SLC25A33: variants seen among roughly 807,000 people sequenced by gnomAD.
SLC25A33 encodes the protein solute carrier family 25 member 33.
A neutral mutation model predicts 35.5 loss-of-function variants in SLC25A33; 15 were observed. The ratio of observed to expected loss-of-function variants is 0.42; its 90% CI spans 0.28 to 0.65. The LOEUF (loss-of-function observed/expected upper bound fraction) is 0.65. SLC25A33 is among the 30% of genes least tolerant of loss of function. The probability of loss-of-function intolerance (pLI) is 0.20; values close to 1 mark genes in which losing one functional copy is unlikely to be tolerated. For missense variants in SLC25A33, 257 were observed against 398.5 expected, an observed-to-expected ratio of 0.64 and a Z score of 3.02; for synonymous variants, 136 against 148.7, an observed-to-expected ratio of 0.91 and a Z score of 0.62.
intron 2 of SLC25A33, among the ~76,000 whole-genome samples, chr1:9,566,842 G>A (rs539853765): frequency 2.2e-4 from 33 of 149,600 alleles, no homozygotes; most frequent in Middle Eastern, 7.0e-3. Context: ...GTGAAACTCC[G>A]TCTAAATAAT....
chr1:9,561,349 A>G (rs4423053), intron 2 of SLC25A33, among the ~76,000 whole-genome samples: 20,174 of 152,108 alleles, frequency 0.13, 1,640 homozygotes, highest in East Asian at 0.29. Context: ...TTTGTCTTGG[A>G]TTAGTCTGTG....
intron 2 of SLC25A33, among the ~76,000 whole-genome samples, chr1:9,561,591 G>A (rs72646721): frequency 3.9e-5 from 6 of 152,230 alleles, no homozygotes; most frequent in Non-Finnish European, 8.8e-5. Flanking sequence ...TTATGTAACA[G>A]ATTTGGCTTT....
chr1:9,577,904 G>A (rs931268455), intron 5 of SLC25A33, among the ~76,000 whole-genome samples: 3 of 152,038 alleles, frequency 2.0e-5, no homozygotes, highest in East Asian at 3.9e-4. Flanking sequence ...TGTGAATAGC[G>A]CCAAGGGTGA....
At chr1:9,568,686 CT>C (rs1277404960) in intron 3 of SLC25A33, among the ~76,000 whole-genome samples, 3 of 151,356 alleles carry the variant, frequency 2.0e-5, no homozygotes, top group Admixed American at 1.3e-4. Context: ...CCCGTCTCTA[CT>C]AAAAATACAA....
At chr1:9,552,083 A>C (rs867934240) in intron 1 of SLC25A33, among the ~76,000 whole-genome samples, 2 of 152,222 alleles carry the variant, frequency 1.3e-5, no homozygotes, top group African/African-American at 2.4e-5. Context: ...TCTCGATATG[A>C]ATATAAGGGT....
intron 3 of SLC25A33, among the ~76,000 whole-genome samples, chr1:9,569,636 C>T (rs1210695994): frequency 6.6e-6 from 1 of 152,168 alleles, no homozygotes; most frequent in Non-Finnish European, 1.5e-5. Context: ...AACATTTTCC[C>T]TGCATTGCTG....
chr1:9,577,005 T>TACAGAAACAA, intron 5 of SLC25A33: 2 of 1,018,894 alleles, frequency 2.0e-6, no homozygotes, highest in Non-Finnish European at 3.0e-6. Context: ...GTTGTCCCGC[T>TACAGAAACAA]ACAGAAACAA....
At chr1:9,576,958 A>T (rs1054813624) in intron 5 of SLC25A33, 2 of 1,253,598 alleles carry the variant, frequency 1.6e-6, no homozygotes, top group African/African-American at 3.0e-5. Context: ...TCTCTGAAAA[A>T]GGAACTGTTC....
chr1:9,547,180 G>A (rs546962091), intron 1 of SLC25A33, among the ~76,000 whole-genome samples: 13 of 152,156 alleles, frequency 8.5e-5, no homozygotes, highest in African/African-American at 2.4e-4. Flanking sequence ...TTCGCCAGGC[G>A]CAGTGGCTCA....
At chr1:9,570,578 G>A (rs1643574634) in intron 4 of SLC25A33, among the ~76,000 whole-genome samples, 1 of 151,740 alleles carries the variant, frequency 6.6e-6, no homozygotes, top group South Asian at 2.1e-4. Context: ...CCCTCAAAAT[G>A]TACATGTTCT....
In SLC25A33 at chr1:9,539,762, C is replaced by G. The variant is rs1295871594; in HGVS notation, c.56+15C>G. On this transcript the variant is annotated intron_variant, in intron 1 of 6. Transcript: ENST00000302692. ...TTCGCCGGCGGGTGAGTTCCCGGGC[C>G]CAGCCGCGCGCGCCCCACCGCCTGC... 3.6e-6 allele frequency: 5 copies of G among 1,373,226 alleles called. No individual in the cohort carries two copies. Among genetic ancestry groups the G allele is most frequent in the Admixed American group, 5.9e-5 (2 of 33,966 alleles). 85.1% of individuals were successfully genotyped at this position (1,373,226 alleles called of 1,614,324 possible). A position where few individuals can be genotyped will look rare whatever the true frequency, so the allele number is the denominator to read the frequency against.
At chr1:9,564,897 CT>C (rs568026350) in intron 2 of SLC25A33, among the ~76,000 whole-genome samples, 110 of 151,504 alleles carry the variant, frequency 7.3e-4, no homozygotes, top group African/African-American at 2.6e-3. Flanking sequence ...GCACTCCAGC[CT>C]GGGTGATGGA....
At chr1:9,580,787 T>C (rs953435470) in intron 6 of SLC25A33, among the ~76,000 whole-genome samples, 5 of 147,692 alleles carry the variant, frequency 3.4e-5, no homozygotes, top group African/African-American at 1.3e-4. Context: ...ACCCGGGAGG[T>C]GGAGGTTGCA....
intron 2 of SLC25A33, among the ~76,000 whole-genome samples, chr1:9,563,750 GC>G (rs1643459722): frequency 6.7e-6 from 1 of 150,100 alleles, no homozygotes; most frequent in South Asian, 2.1e-4. Context: ...CTGCTCTGTT[GC>G]CCGGGCTGGA....
At chr1:9,549,822 C>T (rs932610318) in intron 1 of SLC25A33, among the ~76,000 whole-genome samples, 3 of 149,600 alleles carry the variant, frequency 2.0e-5, no homozygotes, top group African/African-American at 7.4e-5. Context: ...GGTTTCAGCA[C>T]GTTGGTCAGG....
In SLC25A33 at chr1:9,580,192, G is replaced by T; in HGVS notation, c.721G>T (p.Ala241Ser). Residue 241 changes from alanine (A) to serine (S), a missense_variant, in exon 6 of 7, where the codon GCT becomes TCT. Physicochemically the swap from Ala to Ser is moderately conservative, Grantham distance 99 (BLOSUM62 1). Transcript: ENST00000302692. The stretch of plus-strand genomic sequence containing the variant: ...TTTTTTTGGACTTATGGCAGCTGCT[G>T]CTCTTTCTAAGGGCTGTGCCTCCTG... ...TSFFGLMAAAALSKGCASCIA... is the reference protein window; with the variant it reads ...TSFFGLMAAASLSKGCASCIA... 2 of 1,610,120 alleles carry T rather than the reference G, an allele frequency of 1.2e-6. No homozygotes were observed. Among genetic ancestry groups the T allele is most frequent in the Non-Finnish European group, 1.7e-6 (2 of 1,178,636 alleles).
At chr1:9,542,983 A>G (rs1643115571) in intron 1 of SLC25A33, among the ~76,000 whole-genome samples, 2 of 151,674 alleles carry the variant, frequency 1.3e-5, no homozygotes, top group South Asian at 2.1e-4. Context: ...ATGCCCGGCT[A>G]ATTTTTGTAT....
chr1:9,580,331 G>A (rs1309881933), intron 6 of SLC25A33, 97 bp downstream of exon 6: 4 of 1,475,998 alleles, frequency 2.7e-6, no homozygotes, highest in Non-Finnish European at 3.7e-6. Context: ...TTGAGGCGCA[G>A]GATCCCTGCA....
At chr1:9,564,739 A>ATATATATATATATATATATATAT (rs1211262069) in intron 2 of SLC25A33, among the ~76,000 whole-genome samples, 1 of 96,534 alleles carries the variant, frequency 1.0e-5, no homozygotes, top group Admixed American at 1.1e-4. Context: ...AAAAAAAAAA[A>ATATATATATATATATATATATAT]ATATATATAT....
Sources: gnomAD v4.1 joint callset for allele counts (sites outside exome capture counted in the v4.1 genomes callset) on GRCh38, gnomAD v4.1.1 for gene constraint, MANE v1.5 for transcripts, NCBI Gene and HGNC (gene_info 2026-07-23, HGNC 2026-07-21) for gene names.